HMCN2: variants seen among roughly 807,000 people sequenced by gnomAD.
The protein encoded by HMCN2 is hemicentin 2, also known as hemicentin-2.
HMCN2 carries 325 observed loss-of-function variants against 377.5 expected under a neutral mutation model. That is an observed-to-expected ratio of 0.86 (90% CI 0.79 to 0.94). The LOEUF (loss-of-function observed/expected upper bound fraction) is 0.94, where lower values mean the gene tolerates loss of function less well. Ranked by LOEUF, HMCN2 falls within the 40% of genes least tolerant of loss-of-function variation. The pLI is 0.00. For missense variants in HMCN2, 4,543 were observed against 4,725.3 expected (o/e 0.96, Z 1.13); for synonymous variants, 2,007 against 2,046.8 (o/e 0.98, Z 0.53).
Position 130,375,996 on chromosome 9 carries a change from C to T in HMCN2, c.7918+7C>T, listed in dbSNP as rs1428187445. 7.1e-6 allele frequency: 7 copies of T among 983,434 alleles called. No homozygotes were observed. The highest frequency in any genetic ancestry group is 6.0e-6 in the Non-Finnish European group (5 of 827,868). 60.9% of individuals were successfully genotyped at this position (983,434 alleles called of 1,614,324 possible). On this transcript the variant is annotated splice_region_variant and intron_variant, in intron 51 of 97. Transcript: ENST00000683500. ...TACCATGTGGAAGTGCTCAGTGAGT[C>T]GGGGACCCTGGGGCACAGCCGGGTG...
rs1588390101 is a variant in HMCN2 at position 130,396,075 on chromosome 9, G to GGCCCC, written c.11053+10_11053+11insGCCCC. On this transcript the variant is annotated intron_variant, in intron 72 of 97. Transcript: ENST00000683500. ...CGCGTGGAGATCCACAGTGAGTAGG[G>GGCCCC]CCCGCCCCACCCCACCCTGCCCACC... 1 of 1,243,740 alleles carries GGCCCC rather than the reference G, an allele frequency of 8.0e-7. No homozygotes were observed. The highest frequency in any genetic ancestry group is 1.0e-6 in the Non-Finnish European group (1 of 956,714). The allele number at this position is 1,243,740 out of a possible 1,614,324, so 77.0% of individuals were successfully genotyped here. A position where few individuals can be genotyped will look rare whatever the true frequency, so the allele number is the denominator to read the frequency against.
Position 130,432,547 on chromosome 9 carries a change from C to A in HMCN2, c.14886C>A (p.Pro4962=), listed in dbSNP as rs1210010054. The A allele has an allele frequency of 1.3e-6, 2 of 1,550,470 alleles. No homozygotes were observed. Among genetic ancestry groups the A allele is most frequent in the Admixed American group, 3.9e-5 (2 of 51,000 alleles). ...GTCCTGCCACCTACCGGCAGGGCCC[C>A]AGCCCTGGGTAAGGGCTGAGTTGGC... ...TPCPATYRQG[P]SPGTCFRRCS... Residue 4962 remains proline, a synonymous_variant, in exon 97 of 98, where the codon CCC becomes CCA. Coordinates refer to ENST00000683500, the MANE Select transcript of HMCN2 (RefSeq NM_001291815.2).
chr9:130,377,289 AT>A (rs1841440986), intron 52 of HMCN2, among the ~76,000 whole-genome samples: 1 of 151,492 alleles, frequency 6.6e-6, no homozygotes, highest in Non-Finnish European at 1.5e-5. Context: ...AATTTTTTGT[AT>A]TTTTAGTAGA....
rs766000391 is a variant in HMCN2, at chr9:130,361,456, T to C, written c.5951-552T>C. Among the ~76,000 whole-genome samples the C allele has an allele frequency of 6.6e-6, 1 of 152,064 alleles. No homozygotes were observed. The highest frequency in any genetic ancestry group is 1.5e-5 in the Non-Finnish European group (1 of 67,972). On this transcript the variant is annotated intron_variant, in intron 38 of 97. Coordinates refer to ENST00000683500, the MANE Select transcript of HMCN2 (RefSeq NM_001291815.2). The surrounding 1 kb of genome is among the most constrained non-coding windows in gnomAD (Gnocchi z 4.8). ...ACTGAGAAGAGGGCCAGGATGGTGC[T>C]GGTGGCCATATGGAGGCTGGACCTC...
At chr9:130,419,936 G>A (rs58738636) in intron 86 of HMCN2, among the ~76,000 whole-genome samples, 4,140 of 152,222 alleles carry the variant, frequency 0.027, 158 homozygotes, top group African/African-American at 0.081. Flanking sequence ...CCCACAGGCC[G>A]GGGCAGGGTA....
In HMCN2 at chr9:130,352,948, C is replaced by T. The variant is rs1366813350; in HGVS notation, c.4607C>T (p.Ser1536Phe). 1 of 1,294,178 alleles carries T rather than the reference C, an allele frequency of 7.7e-7. No homozygotes were observed. Among genetic ancestry groups the T allele is most frequent in the Non-Finnish European group, 1.0e-6 (1 of 983,288 alleles). 80.2% of individuals were successfully genotyped at this position (1,294,178 alleles called of 1,614,324 possible). A position where few individuals can be genotyped will look rare whatever the true frequency, so the allele number is the denominator to read the frequency against. The change falls in exon 31 of 98, where the codon TCC becomes TTC. Residue 1536 changes from serine (S) to phenylalanine (F), a missense_variant. This residue lies in a region of HMCN2 where 1,032 missense variants were observed against 1,285.1 expected (regional missense o/e 0.80). Transcript: ENST00000683500. ...TCAGCGCCCCCCACTATCTGGGGCT[C>T]CAACGAGACAGGCGAGGTGGCCGTC... is the stretch of plus-strand genomic sequence containing the variant. The part of the protein sequence containing the change: ...RVHAPPTIWG[S>F]NETGEVAVME...
chr9:130,432,713 AACGGGG>A (rs1844836975), intron 97 of HMCN2, 158 bp downstream of exon 97: 2 of 736,984 alleles, frequency 2.7e-6, no homozygotes, highest in South Asian at 3.6e-5. Flanking sequence ...AGTGGGAGAG[AACGGGG>A]ACACAGGAGC....
chr9:130,296,614 C>T (rs1414813530), intron 6 of HMCN2, 60 bp from the exon 7 acceptor site: 3 of 460,556 alleles, frequency 6.5e-6, no homozygotes, highest in South Asian at 4.7e-5. Flanking sequence ...TCACCTCCTG[C>T]CCTAAGCTGG....
intron 15 of HMCN2, among the ~76,000 whole-genome samples, chr9:130,317,053 G>T (rs2131388366): frequency 6.6e-6 from 1 of 152,114 alleles, no homozygotes; most frequent in African/African-American, 2.4e-5. Flanking sequence ...GCACAGCAAT[G>T]AGTCTGGGAT....
chr9:130,416,340 G>A (rs1843698711), intron 85 of HMCN2, among the ~76,000 whole-genome samples: 1 of 151,988 alleles, frequency 6.6e-6, no homozygotes, highest in Non-Finnish European at 1.5e-5. Context: ...CCTGACTTAA[G>A]GTGATCCACC....
At chr9:130,387,065 G>A (rs1304043141) in intron 61 of HMCN2, among the ~76,000 whole-genome samples, 1 of 152,234 alleles carries the variant, frequency 6.6e-6, no homozygotes, top group African/African-American at 2.4e-5. Context: ...AGCCCTATGA[G>A]ATCAGACACA....
At chr9:130,292,981 T>TCTAC (rs1258659947) in intron 4 of HMCN2, among the ~76,000 whole-genome samples, 89 of 141,696 alleles carry the variant, frequency 6.3e-4, no homozygotes, top group African/African-American at 2.1e-3. Flanking sequence ...TATCTATCTA[T>TCTAC]CTATCTATCT....
rs1311338500 is a variant in HMCN2, at chr9:130,429,553, C to A, written c.14198-4C>A. On this transcript the variant is annotated splice_region_variant and splice_polypyrimidine_tract_variant and intron_variant, in intron 93 of 97. Transcript: ENST00000683500. ...CCACCACCGACCATGCCCCTGCCTCCCAGATGTGGACGAATGCCTGGAGGG... is the reference window on the plus strand; with the variant it reads ...CCACCACCGACCATGCCCCTGCCTCACAGATGTGGACGAATGCCTGGAGGG... 1 of 1,550,426 alleles carries A rather than the reference C, an allele frequency of 6.4e-7. No individual in the cohort carries two copies. Among genetic ancestry groups the A allele is most frequent in the Non-Finnish European group, 8.7e-7 (1 of 1,146,874 alleles).
Position 130,390,978 on chromosome 9 carries a change from G to A in HMCN2, c.9525G>A (p.Glu3175=), listed in dbSNP as rs914144188. 9.1e-6 allele frequency: 9 copies of A among 986,886 alleles called. No homozygotes were observed. The highest frequency in any genetic ancestry group is 3.3e-4 in the Middle Eastern group (1 of 3,018). 61.1% of individuals were successfully genotyped at this position (986,886 alleles called of 1,614,324 possible). The change falls in exon 63 of 98, where the codon GAG becomes GAA. Residue 3175 remains glutamate, a splice_region_variant and synonymous_variant. Coordinates refer to ENST00000683500, the MANE Select transcript of HMCN2 (RefSeq NM_001291815.2). The stretch of plus-strand genomic sequence containing the variant: ...TCAGGGGACCCCTCTGTCCCACAGA[G>A]AGCAGCGCGGTGCACGGTGTGGTCT... ...VTWLKDRMPV[E]SSAVHGVVSR...
chr9:130,307,913 T>C (rs1377672683), intron 14 of HMCN2, among the ~76,000 whole-genome samples: 1 of 152,194 alleles, frequency 6.6e-6, no homozygotes, highest in Non-Finnish European at 1.5e-5. Flanking sequence ...ATTAAATGAG[T>C]TCCTATGCAC....
In HMCN2 at chr9:130,425,807, G is replaced by A. The variant is rs1234348876; in HGVS notation, c.13762G>A (p.Ala4588Thr). 1.3e-5 allele frequency: 20 copies of A among 1,550,410 alleles called. No individual in the cohort carries two copies. The highest frequency in any genetic ancestry group is 2.4e-5 in the East Asian group (1 of 40,900). ...CTGCAACCACAGCATCCAGTACAAC[G>A]CGGCCCGGGGCCCCCAGCCCCAGCT... ...LRCNHSIQYNAARGPQPQLVQ... is the reference protein window; with the variant it reads ...LRCNHSIQYNTARGPQPQLVQ... Residue 4588 changes from alanine (A) to threonine (T), a missense_variant, in exon 90 of 98, where the codon GCG becomes ACG. This residue lies in a region of HMCN2 where 1,155 missense variants were observed against 1,157.7 expected (regional missense o/e 1.00). Transcript: ENST00000683500.
At chr9:130,282,255 G>A (rs541422212) in intron 1 of HMCN2, among the ~76,000 whole-genome samples, 24 of 152,204 alleles carry the variant, frequency 1.6e-4, no homozygotes, top group African/African-American at 3.6e-4. Flanking sequence ...GCCAAGCTGC[G>A]TGCTAAGCTC....
rs768300436 is a variant in HMCN2 at position 130,354,906 on chromosome 9, A to G, written c.5008A>G (p.Ser1670Gly). The stretch of plus-strand genomic sequence containing the variant: ...CCACGAGGGGCTGCCCGTGGCAGAG[A>G]GCAACGAGTCGCGGCTGGAGACAGA... ...WHHEGLPVAESNESRLETDGS... is the reference protein window; with the variant it reads ...WHHEGLPVAEGNESRLETDGS... The change falls in exon 32 of 98, where the codon AGC (serine) becomes GGC (glycine). Residue 1670 changes from serine to glycine, a missense_variant. Transcript: ENST00000683500. 345 of 1,304,092 alleles carry G rather than the reference A, an allele frequency of 2.6e-4. 3 individuals are homozygous for G. The highest frequency in any genetic ancestry group is 6.9e-5 in the Non-Finnish European group (68 of 988,950). 80.8% of individuals were successfully genotyped at this position (1,304,092 alleles called of 1,614,324 possible). A position where few individuals can be genotyped will look rare whatever the true frequency, so the allele number is the denominator to read the frequency against.
rs937689496 is a variant in HMCN2, at chr9:130,378,195, C to T, written c.8212+396C>T. The stretch of plus-strand genomic sequence containing the variant: ...AAACTGCCTGTGGGTACCTGGGGCT[C>T]ATTATATTCTTCTCTTGCTTGCGTC... On this transcript the variant is annotated intron_variant, in intron 53 of 97. Transcript: ENST00000683500. 4.0e-5 allele frequency among the ~76,000 whole-genome samples: 6 copies of T among 151,462 alleles called. No homozygotes were observed. In the South Asian group the frequency reaches 1.3e-3, roughly 32 times the overall value.
Sources: gnomAD v4.1 joint callset for allele counts (sites outside exome capture counted in the v4.1 genomes callset) on GRCh38, gnomAD v4.1.1 for gene constraint, gnomAD v4.1.1 regional missense constraint, Gnocchi (gnomAD v3.1) non-coding constraint, MANE v1.5 for transcripts, NCBI Gene and HGNC (gene_info 2026-07-23, HGNC 2026-07-21) for gene names.